Variants in KAZN observed in about 807,000 individuals in gnomAD.
KAZN encodes kazrin, periplakin interacting protein.
KAZN carries 40 observed loss-of-function variants against 87.4 expected under a neutral mutation model. The ratio of observed to expected loss-of-function variants is 0.46; its 90% CI spans 0.36 to 0.60. KAZN has a LOEUF of 0.60. KAZN is among the 20% of genes least tolerant of loss of function. The pLI is 0.00. For missense variants in KAZN, 898 were observed against 1,073.9 expected, an observed-to-expected ratio of 0.84 and a Z score of 2.29; for synonymous variants, 466 against 458.3, an observed-to-expected ratio of 1.02 and a Z score of -0.22.
intron 1 of KAZN, among the ~76,000 whole-genome samples, chr1:14,909,837 G>A (rs769212959): frequency 4.6e-5 from 7 of 152,094 alleles, no homozygotes; most frequent in Non-Finnish European, 7.4e-5. Context: ...CTGAGCTCAG[G>A]AGTTCAGGAG....
intron 2 of KAZN, among the ~76,000 whole-genome samples, chr1:15,029,234 G>A (rs1456216161): frequency 6.6e-6 from 1 of 152,200 alleles, no homozygotes; most frequent in African/African-American, 2.4e-5. Context: ...CCAGCCATAG[G>A]TGTGAGTTTG....
intron 2 of KAZN, among the ~76,000 whole-genome samples, chr1:14,355,301 A>G (rs761968773): frequency 5.9e-5 from 9 of 152,212 alleles, no homozygotes; most frequent in Non-Finnish European, 1.2e-4. Context: ...CTTAAGATCT[A>G]TGCATTTTAC....
rs112531232 is a variant in KAZN at position 14,249,419 on chromosome 1, T to G, written c.249+68827T>G. Among the ~76,000 whole-genome samples the G allele has an allele frequency of 3.4e-3, 513 of 152,334 alleles. 2 individuals are homozygous for G. Among genetic ancestry groups the G allele is most frequent in the African/African-American group, 0.012 (479 of 41,576 alleles). Reference sequence around the variant, plus strand: ...ATTATCGTCAACAAACCCAAACTGGTTGAAATTGCAAAATGAATTTATCGA... The same window carrying G: ...ATTATCGTCAACAAACCCAAACTGGGTGAAATTGCAAAATGAATTTATCGA... On this transcript the variant is annotated intron_variant, in intron 2 of 16. Coordinates refer to the KAZN transcript ENST00000636203.
chr1:14,110,518 A>G (rs1418424900), intron 1 of KAZN, among the ~76,000 whole-genome samples: 2 of 152,178 alleles, frequency 1.3e-5, no homozygotes. Context: ...CACTCTTATT[A>G]TCCAGATCAT....
chr1:13,970,601 C>T (rs1642103572), intron 1 of KAZN, among the ~76,000 whole-genome samples: 1 of 152,196 alleles, frequency 6.6e-6, no homozygotes, highest in African/African-American at 2.4e-5. Flanking sequence ...TGTGATTCTG[C>T]TCAAAGGCAG....
intron 1 of KAZN, among the ~76,000 whole-genome samples, chr1:14,142,797 C>T (rs750043197): frequency 6.6e-6 from 1 of 152,210 alleles, no homozygotes; most frequent in African/African-American, 2.4e-5. Flanking sequence ...CCCTTGCCCC[C>T]TCTACTCAAT....
chr1:15,052,598 GTATGTGTGTA>G (rs1306984791), intron 4 of KAZN, among the ~76,000 whole-genome samples: 6 of 152,096 alleles, frequency 3.9e-5, no homozygotes, highest in African/African-American at 1.4e-4. Context: ...GTGCATGTGT[GTATGTGTGTA>G]TATGTGTGTA....
At position 15,066,403 on chromosome 1, in the gene KAZN, C is replaced by G; in HGVS notation, c.1222+650C>G. On this transcript the variant is annotated intron_variant, in intron 8 of 14. Coordinates refer to ENST00000376030, the MANE Select transcript of KAZN (RefSeq NM_201628.3). The surrounding 1 kb of genome is among the most constrained non-coding windows in gnomAD (Gnocchi z 4.3). Reference sequence around the variant, plus strand: ...TGGGGGTGCGCCCAAGTCACTTTAACCACAAAACGCCATCGTCGTCAGGGT... The same window carrying G: ...TGGGGGTGCGCCCAAGTCACTTTAAGCACAAAACGCCATCGTCGTCAGGGT... 2.0e-6 allele frequency: 2 copies of G among 984,302 alleles called. No homozygotes were observed. The highest frequency in any genetic ancestry group is 2.4e-6 in the Non-Finnish European group (2 of 829,714). 61.0% of individuals were successfully genotyped at this position (984,302 alleles called of 1,614,324 possible).
At chr1:14,748,099 GC>G (rs749821451) in intron 1 of KAZN, among the ~76,000 whole-genome samples, 8 of 152,152 alleles carry the variant, frequency 5.3e-5, no homozygotes, top group Non-Finnish European at 1.0e-4. Flanking sequence ...TGGAAAACTG[GC>G]CCATCCTTGG....
Position 14,243,601 on chromosome 1 carries a change from C to CGTACT in KAZN, c.249+63012_249+63016dup, listed in dbSNP as rs1346843090. Among the ~76,000 whole-genome samples, 5 of 152,202 alleles carry CGTACT rather than the reference C, an allele frequency of 3.3e-5. No individual in the cohort carries two copies. In the East Asian group the frequency reaches 5.8e-4, roughly 18 times the overall value. Reference sequence around the variant, plus strand: ...AGAATTTGCATATGGCTAACAATACCGTACTGTGTATTTGTTAAGATGACC... The same window carrying CGTACT: ...AGAATTTGCATATGGCTAACAATACCGTACTGTACTGTGTATTTGTTAAGATGACC... On this transcript the variant is annotated intron_variant, in intron 2 of 16. Coordinates refer to the KAZN transcript ENST00000636203.
intron 2 of KAZN, among the ~76,000 whole-genome samples, chr1:14,297,826 TAAG>T (rs1361006646): frequency 6.6e-6 from 1 of 152,142 alleles, no homozygotes; most frequent in Non-Finnish European, 1.5e-5. Flanking sequence ...TTATGATGAG[TAAG>T]AAATTATTTG....
chr1:14,055,113 G>T (rs753871517), intron 1 of KAZN, among the ~76,000 whole-genome samples: 1 of 152,134 alleles, frequency 6.6e-6, no homozygotes, highest in Admixed American at 6.5e-5. Context: ...ACCTGTCTTT[G>T]GTTAAGAACC....
At chr1:14,721,961 C>A (rs1643131454) in intron 1 of KAZN, among the ~76,000 whole-genome samples, 1 of 152,018 alleles carries the variant, frequency 6.6e-6, no homozygotes, top group Non-Finnish European at 1.5e-5. Flanking sequence ...CGAGACCAGC[C>A]TGGCCAACAT....
At chr1:14,557,619 GGTGTGTGTGGGT>G (rs1425533854) in intron 2 of KAZN, among the ~76,000 whole-genome samples, 1 of 94,044 alleles carries the variant, frequency 1.1e-5, no homozygotes, top group Non-Finnish European at 2.3e-5. Context: ...AAACCAATAG[GGTGTGTGTGGGT>G]GTGTGTGTGT....
intron 1 of KAZN, among the ~76,000 whole-genome samples, chr1:13,897,165 A>G (rs1158389389): frequency 6.6e-6 from 1 of 152,016 alleles, no homozygotes; most frequent in Non-Finnish European, 1.5e-5. Context: ...ATTTATGTAC[A>G]TTTTGTCTGC....
rs147158104 is a variant in KAZN, at chr1:13,925,104, C to T, written c.91+31348C>T. On this transcript the variant is annotated intron_variant, in intron 1 of 16. Coordinates refer to the KAZN transcript ENST00000636203. The stretch of plus-strand genomic sequence containing the variant: ...ATCCCCAGATTCCTTCCACCCCGGG[C>T]GACCACTCATCTGCTTTCTGTTTCT... 9.4e-3 allele frequency among the ~76,000 whole-genome samples: 1,436 copies of T among 152,278 alleles called. 24 individuals are homozygous for T. Among genetic ancestry groups the T allele is most frequent in the African/African-American group, 0.032 (1,329 of 41,534 alleles).
chr1:14,720,844 G>A (rs535847254), intron 1 of KAZN, among the ~76,000 whole-genome samples: 93 of 152,226 alleles, frequency 6.1e-4, no homozygotes, highest in African/African-American at 2.2e-3. Context: ...AGCCTCCCGA[G>A]TACCTGGGAC....
At chr1:14,488,303 A>G (rs550117158) in intron 2 of KAZN, among the ~76,000 whole-genome samples, 1 of 152,288 alleles carries the variant, frequency 6.6e-6, no homozygotes, top group South Asian at 2.1e-4. Flanking sequence ...GGAGAGAGGA[A>G]GAAAGACAGG....
intron 2 of KAZN, among the ~76,000 whole-genome samples, chr1:15,011,237 G>T (rs1455412950): frequency 6.6e-6 from 1 of 152,214 alleles, no homozygotes; most frequent in East Asian, 1.9e-4. Context: ...TAGGGTAAGA[G>T]CCCAGGTGCT....
Sources: gnomAD v4.1 joint callset for allele counts (sites outside exome capture counted in the v4.1 genomes callset) on GRCh38, gnomAD v4.1.1 for gene constraint, Gnocchi (gnomAD v3.1) non-coding constraint, MANE v1.5 for transcripts, NCBI Gene and HGNC (gene_info 2026-07-23, HGNC 2026-07-21) for gene names.